MACROD1: variants seen among roughly 807,000 people sequenced by gnomAD.
MACROD1 encodes mono-ADP ribosylhydrolase 1, also known as ADP-ribose glycohydrolase MACROD1.
MACROD1 carries 31 observed loss-of-function variants against 41.4 expected under a neutral mutation model. The ratio of observed to expected loss-of-function variants is 0.75; its 90% confidence interval spans 0.56 to 1.01. The LOEUF (loss-of-function observed/expected upper bound fraction) is 1.01, where lower values mean the gene tolerates loss of function less well. Ranked by LOEUF, MACROD1 falls within the 50% of genes least tolerant of loss-of-function variation. The probability of loss-of-function intolerance (pLI) is 0.00; values close to 1 mark genes in which losing one functional copy is unlikely to be tolerated. For synonymous variants in MACROD1, 252 were observed against 203.4 expected, an observed-to-expected ratio of 1.24 and a Z score of -2.03; for missense variants, 473 against 460.0, an observed-to-expected ratio of 1.03 and a Z score of -0.26.
chr11:64,156,272 C>A (rs917935433), intron 1 of MACROD1, among the ~76,000 whole-genome samples: 4 of 152,208 alleles, frequency 2.6e-5, no homozygotes, highest in African/African-American at 7.2e-5. Context: ...CAGAGCGAGA[C>A]CTTGTCTCTA....
At chr11:64,127,570 C>T (rs1945205032) in intron 3 of MACROD1, among the ~76,000 whole-genome samples, 1 of 152,246 alleles carries the variant, frequency 6.6e-6, no homozygotes, top group Non-Finnish European at 1.5e-5. Context: ...AATGATTCCG[C>T]TGCAGGAAGA....
intron 3 of MACROD1, among the ~76,000 whole-genome samples, chr11:64,083,906 C>T (rs1401643904): frequency 1.3e-5 from 2 of 152,184 alleles, no homozygotes; most frequent in Admixed American, 6.5e-5. Context: ...GGCGGGCGTG[C>T]GGCCGGCCCC....
intron 3 of MACROD1, among the ~76,000 whole-genome samples, chr11:64,033,251 C>T (rs1352771776): frequency 6.6e-6 from 1 of 152,222 alleles, no homozygotes; most frequent in Admixed American, 6.5e-5. Flanking sequence ...ACTTCTGGTC[C>T]CTGGTGCCCT....
At chr11:64,163,479 C>T (rs72920310) in intron 1 of MACROD1, among the ~76,000 whole-genome samples, 2,630 of 152,328 alleles carry the variant, frequency 0.017, 39 homozygotes, top group Non-Finnish European at 0.029. Context: ...GGCACTGCAG[C>T]TCCATCGGGG....
At chr11:64,123,557 A>G (rs1945133320) in intron 3 of MACROD1, among the ~76,000 whole-genome samples, 2 of 148,506 alleles carry the variant, frequency 1.3e-5, no homozygotes, top group African/African-American at 5.1e-5. Context: ...TGGGGGTGCA[A>G]GATGGGGGCA....
rs1434670514 is a variant in MACROD1, at chr11:64,120,987, C to T, written c.517+30252G>A. Among the ~76,000 whole-genome samples, 2 of 152,166 alleles carry T rather than the reference C, an allele frequency of 1.3e-5. No individual in the cohort carries two copies. The highest frequency in any genetic ancestry group is 2.1e-4 in the South Asian group (1 of 4,828). ...CCACCCTAGACAGGTCAGGTCATGC[C>T]CTTAGTGGCTAGGAAGGCATCTGGG... On this transcript the variant is annotated intron_variant, in intron 3 of 10. Transcript: ENST00000255681. This position sits in a 1 kb window ranked among gnomAD's most constrained non-coding sequence, Gnocchi z 4.5.
intron 3 of MACROD1, among the ~76,000 whole-genome samples, chr11:64,018,283 G>A (rs1282708009): frequency 2.0e-5 from 3 of 152,164 alleles, no homozygotes; most frequent in Admixed American, 6.5e-5. Context: ...GACGTCCCAC[G>A]GGTGGGGGGG....
chr11:64,077,164 T>C (rs1446366729), intron 3 of MACROD1, among the ~76,000 whole-genome samples: 3 of 152,168 alleles, frequency 2.0e-5, no homozygotes, highest in Non-Finnish European at 4.4e-5. Context: ...GGAGAAACTG[T>C]TCTGCAGCTG....
intron 3 of MACROD1, among the ~76,000 whole-genome samples, chr11:64,108,990 G>A (rs1944813004): frequency 6.6e-6 from 1 of 152,152 alleles, no homozygotes; most frequent in Non-Finnish European, 1.5e-5. Context: ...TGGGGGAGAC[G>A]TGACCAGCAT....
intron 4 of MACROD1, among the ~76,000 whole-genome samples, chr11:64,007,492 G>C (rs1449901430): frequency 6.6e-6 from 1 of 152,190 alleles, no homozygotes; most frequent in Non-Finnish European, 1.5e-5. Context: ...AGGAAGGGCA[G>C]AGCCCTGTGG....
intron 3 of MACROD1, among the ~76,000 whole-genome samples, chr11:64,029,662 C>A (rs545761164): frequency 1.3e-5 from 2 of 152,164 alleles, no homozygotes; most frequent in Admixed American, 1.3e-4. Context: ...CCCCCACCCC[C>A]CTCTCGGACC....
intron 4 of MACROD1, among the ~76,000 whole-genome samples, chr11:64,014,056 C>T (rs987138466): frequency 1.3e-5 from 2 of 152,150 alleles, no homozygotes; most frequent in African/African-American, 4.8e-5. Context: ...GCTCAGGGGA[C>T]AGGGACCAGG....
intron 3 of MACROD1, among the ~76,000 whole-genome samples, chr11:64,129,972 G>A (rs1945241791): frequency 6.6e-6 from 1 of 152,146 alleles, no homozygotes; most frequent in Non-Finnish European, 1.5e-5. Context: ...TTACAGGAAA[G>A]CAAGCAGGAC....
At chr11:63,999,226 G>T in intron 8 of MACROD1, 105 bp downstream of exon 8, 1 of 1,432,416 alleles carries the variant, frequency 7.0e-7, no homozygotes, top group Non-Finnish European at 9.5e-7. Context: ...GAAGGAAGGG[G>T]CGGGCCTGGC....
chr11:64,135,679 T>C (rs1945322169), intron 3 of MACROD1, among the ~76,000 whole-genome samples: 1 of 152,198 alleles, frequency 6.6e-6, no homozygotes, highest in South Asian at 2.1e-4. Context: ...GAGGGGCCCC[T>C]TCTGCAGCTT....
At chr11:64,055,867 T>G (rs1310210040) in intron 3 of MACROD1, among the ~76,000 whole-genome samples, 1 of 152,206 alleles carries the variant, frequency 6.6e-6, no homozygotes, top group Non-Finnish European at 1.5e-5. Context: ...CTCTTGGGTC[T>G]GCTATTGTCC....
At chr11:64,118,119 G>A (rs771194116) in intron 3 of MACROD1, 2 of 1,613,138 alleles carry the variant, frequency 1.2e-6, no homozygotes, top group Non-Finnish European at 1.7e-6. Context: ...CCGCGGCCCT[G>A]GGCTGCAGAT....
intron 3 of MACROD1, among the ~76,000 whole-genome samples, chr11:64,127,448 A>C (rs1448450932): frequency 2.7e-5 from 3 of 110,224 alleles, no homozygotes; most frequent in East Asian, 2.7e-4. Flanking sequence ...GGCTCAGCCC[A>C]CCCCTCCCCG....
At chr11:64,098,788 G>A (rs974714811) in intron 3 of MACROD1, among the ~76,000 whole-genome samples, 6 of 152,200 alleles carry the variant, frequency 3.9e-5, no homozygotes, top group Non-Finnish European at 8.8e-5. Flanking sequence ...TTCCCAGGGA[G>A]GGGGCAGGCA....
Sources: gnomAD v4.1 joint callset for allele counts (sites outside exome capture counted in the v4.1 genomes callset) on GRCh38, gnomAD v4.1.1 for gene constraint, Gnocchi (gnomAD v3.1) non-coding constraint, MANE v1.5 for transcripts, NCBI Gene and HGNC (gene_info 2026-07-23, HGNC 2026-07-21) for gene names.